PYY: variants seen among roughly 807,000 people sequenced by gnomAD.
PYY encodes peptide YY.
PYY carries 12 observed loss-of-function variants against 10.3 expected under a neutral mutation model. The ratio of observed to expected loss-of-function variants is 1.17; its 90% CI spans 0.75 to 1.89. The LOEUF (loss-of-function observed/expected upper bound fraction) is 1.89. Ranked by LOEUF, PYY falls within the 40% of genes most tolerant of loss-of-function variation. The pLI is 0.00. For missense variants in PYY, 141 were observed against 134.0 expected, an observed-to-expected ratio of 1.05 and a Z score of -0.26; for synonymous variants, 66 against 62.0, an observed-to-expected ratio of 1.06 and a Z score of -0.30.
chr17:44,003,666 CAAACAAAAAAAA>C (rs1413872051), intron 1 of PYY, among the ~76,000 whole-genome samples: 18 of 57,910 alleles, frequency 3.1e-4, no homozygotes, highest in African/African-American at 9.0e-4. Flanking sequence ...AACAAACAAA[CAAACAAAAAAAA>C]AAAAAAAAAA....
chr17:43,984,353 G>T (rs1352178144), intron 1 of PYY, among the ~76,000 whole-genome samples: 1 of 152,348 alleles, frequency 6.6e-6, no homozygotes, highest in African/African-American at 2.4e-5. Context: ...GCAGGTGGGA[G>T]CAGGAGGCTC....
chr17:43,995,798 C>T (rs2048988238), intron 1 of PYY, among the ~76,000 whole-genome samples: 1 of 145,840 alleles, frequency 6.9e-6, no homozygotes, highest in Non-Finnish European at 1.5e-5. Context: ...CCAGCCACTG[C>T]ACTCCAGCCT....
At chr17:43,994,848 C>T (rs1235513079) in intron 1 of PYY, among the ~76,000 whole-genome samples, 4 of 152,212 alleles carry the variant, frequency 2.6e-5, no homozygotes, top group Non-Finnish European at 5.9e-5. Context: ...AACGGGAGGG[C>T]GCTGGCTGGG....
chr17:43,977,484 G>A (rs891495401), intron 1 of PYY, among the ~76,000 whole-genome samples: 17 of 152,132 alleles, frequency 1.1e-4, no homozygotes, highest in South Asian at 2.1e-4. Context: ...TGCCCCAGCT[G>A]GGAACACGCT....
At position 43,952,971 on chromosome 17, in the gene PYY, GC is replaced by G. The variant is rs1266729557; in HGVS notation, c.278del (p.Gly93AlafsTer9). The stretch of plus-strand genomic sequence containing the variant: ...TCAGGGGTCCTCACCACAGGTCTGG[GC>G]CCTCCGACCTGCGGAAGCGAAGGGG... ...EDRPVRSRSE[G>X]PDLW On this transcript the variant is annotated frameshift_variant, in exon 4 of 4. Coordinates refer to ENST00000692052, the MANE Select transcript of PYY (RefSeq NM_001394028.1). LOFTEE classifies it high-confidence loss of function. 3 of 1,566,096 alleles carry G rather than the reference GC, an allele frequency of 1.9e-6. No individual in the cohort carries two copies. In the African/African-American group the frequency reaches 4.1e-5, roughly 21 times the overall value.
chr17:43,965,855 A>G (rs1016155386), intron 2 of PYY, among the ~76,000 whole-genome samples: 9 of 148,986 alleles, frequency 6.0e-5, no homozygotes, highest in African/African-American at 2.2e-4. Context: ...TTTTCTAGCC[A>G]TTGTAAGTAC....
intron 2 of PYY, 32 bp from the exon 3 acceptor site, chr17:43,953,221 A>C: frequency 6.2e-7 from 1 of 1,609,878 alleles, no homozygotes; most frequent in Non-Finnish European, 8.5e-7. Flanking sequence ...GCGTGGTCAG[A>C]TCTGGCCACG....
chr17:43,990,258 T>C (rs1030276737), intron 1 of PYY, among the ~76,000 whole-genome samples: 2 of 151,530 alleles, frequency 1.3e-5, no homozygotes, highest in South Asian at 2.1e-4. Flanking sequence ...GCCAACATGG[T>C]GAAACCCTGT....
At chr17:43,961,416 T>C (rs2048711406) in intron 2 of PYY, among the ~76,000 whole-genome samples, 1 of 152,160 alleles carries the variant, frequency 6.6e-6, no homozygotes, top group South Asian at 2.1e-4. Flanking sequence ...AATTTAAAAG[T>C]TGGAAATAAA....
chr17:43,992,437 G>A (rs528758808), intron 1 of PYY, among the ~76,000 whole-genome samples: 2 of 152,034 alleles, frequency 1.3e-5, no homozygotes, highest in South Asian at 2.1e-4. Flanking sequence ...AAGGCCAGGC[G>A]CAGTGGCTCA....
chr17:43,995,569 C>T (rs1391579073), intron 1 of PYY, among the ~76,000 whole-genome samples: 1 of 152,234 alleles, frequency 6.6e-6, no homozygotes, highest in Non-Finnish European at 1.5e-5. Flanking sequence ...CACGGTGGCT[C>T]ACGCCTGTAA....
chr17:43,953,076 G>A, intron 3 of PYY, 33 bp downstream of exon 3: 1 of 1,610,886 alleles, frequency 6.2e-7, no homozygotes, highest in Non-Finnish European at 8.5e-7. Flanking sequence ...CCGCGCTCTC[G>A]GATGCAGGAT....
intron 1 of PYY, among the ~76,000 whole-genome samples, chr17:43,983,360 G>A (rs2048895360): frequency 6.6e-6 from 1 of 152,238 alleles, no homozygotes; most frequent in African/African-American, 2.4e-5. Context: ...GGGGTGCTGG[G>A]TGGCCCTCCA....
chr17:43,953,550 T>TCCC, intron 1 of PYY, 67 bp from the exon 2 acceptor site: 1 of 1,418,408 alleles, frequency 7.1e-7, no homozygotes, highest in South Asian at 1.4e-5. Context: ...AGGCTGCGGC[T>TCCC]GCCGTCGGGG....
chr17:43,965,841 A>AT (rs752643466), intron 2 of PYY, among the ~76,000 whole-genome samples: 4 of 144,038 alleles, frequency 2.8e-5, no homozygotes, highest in African/African-American at 1.0e-4. Context: ...GTAAAATTAT[A>AT]TTTTTTTCTA....
intron 1 of PYY, among the ~76,000 whole-genome samples, chr17:43,980,157 T>TC (rs1491489048): frequency 7.6e-3 from 126 of 16,618 alleles, no homozygotes; most frequent in African/African-American, 0.013. Flanking sequence ...CCCCTCCACC[T>TC]TTTTTTTTTT....
Position 43,995,874 on chromosome 17 carries a change from G to A in PYY, c.-463+8517C>T, listed in dbSNP as rs538937081. ...AAAAGAAGAGAAATGCAGGCATGCA[G>A]GCGGCGACAGTGGCTCACGCCTGTA... On this transcript the variant is annotated intron_variant, in intron 1 of 6. Transcript: ENST00000360085. Among the ~76,000 whole-genome samples, 3 of 150,608 alleles carry A rather than the reference G, an allele frequency of 2.0e-5. No individual in the cohort carries two copies. The South Asian group carries it at 6.3e-4, about 32-fold the overall frequency.
intron 1 of PYY, among the ~76,000 whole-genome samples, chr17:44,000,524 A>G (rs1444294267): frequency 6.7e-6 from 1 of 148,814 alleles, no homozygotes; most frequent in Non-Finnish European, 1.5e-5. Context: ...GTGTTCCTAT[A>G]TGACACAGTC....
chr17:43,980,483 TG>T (rs940082030), intron 1 of PYY, among the ~76,000 whole-genome samples: 98 of 151,074 alleles, frequency 6.5e-4, no homozygotes, highest in Non-Finnish European at 7.8e-4. Context: ...TGTTTTGTTT[TG>T]TTTTTTTTGA....
Sources: gnomAD v4.1 joint callset for allele counts (sites outside exome capture counted in the v4.1 genomes callset) on GRCh38, gnomAD v4.1.1 for gene constraint, MANE v1.5 for transcripts, NCBI Gene and HGNC (gene_info 2026-07-23, HGNC 2026-07-21) for gene names.